The following NRXN1 variants were observed in gnomAD, a reference collection of about 807,000 sequenced individuals.
NRXN1 encodes the protein neurexin-1.
In NRXN1, 39 loss-of-function variants were observed where a neutral mutation model predicts 150.9. The observed-to-expected ratio is 0.26, with a 90% confidence interval of 0.20 to 0.34. The LOEUF (loss-of-function observed/expected upper bound fraction) is 0.34. Among genes scored for constraint, NRXN1 ranks in the 10% least tolerant of loss-of-function variants. NRXN1 has a pLI of 1.00. For synonymous variants in NRXN1, 924 were observed against 757.0 expected, an observed-to-expected ratio of 1.22 and a Z score of -3.62; for missense variants, 1,815 against 1,949.9, an observed-to-expected ratio of 0.93 and a Z score of 1.30.
chr2:50,462,813 T>C (rs1251781284), intron 17 of NRXN1, among the ~76,000 whole-genome samples: 1 of 151,846 alleles, frequency 6.6e-6, no homozygotes, highest in South Asian at 2.1e-4. Flanking sequence ...CATCTTCCCA[T>C]TGTTAATTAT....
intron 19 of NRXN1, among the ~76,000 whole-genome samples, chr2:50,086,383 A>C (rs1698775214): frequency 6.6e-6 from 1 of 152,162 alleles, no homozygotes; most frequent in South Asian, 2.1e-4. Flanking sequence ...GGATGAAAAC[A>C]GAGTTAAGGT....
intron 17 of NRXN1, among the ~76,000 whole-genome samples, chr2:50,420,316 C>A (rs2083878852): frequency 6.6e-6 from 1 of 151,948 alleles, no homozygotes; most frequent in African/African-American, 2.4e-5. Flanking sequence ...TTGATATCTA[C>A]ACCAGCAGTC....
In NRXN1 at chr2:50,234,362, T is replaced by C. The variant is rs536430505; in HGVS notation, c.3546+2427A>G. Among the ~76,000 whole-genome samples the C allele has an allele frequency of 6.6e-5, 10 of 151,972 alleles. No homozygotes were observed. The East Asian group carries it at 1.8e-3, about 27-fold the overall frequency. ...TACAAAAATTAGCTGGGCGTGGTGG[T>C]GGGCACCTGTAATCCTAGATATTTG... On this transcript the variant is annotated intron_variant, in intron 18 of 22. Coordinates refer to ENST00000401669, the MANE Select transcript of NRXN1 (RefSeq NM_001330078.2).
intron 5 of NRXN1, among the ~76,000 whole-genome samples, chr2:50,666,045 T>A (rs1318847806): frequency 6.6e-6 from 1 of 151,952 alleles, no homozygotes. Flanking sequence ...CTTTGTAACC[T>A]CTTGTTCCCT....
intron 17 of NRXN1, among the ~76,000 whole-genome samples, chr2:50,294,370 A>G (rs188640301): frequency 1.1e-4 from 17 of 152,350 alleles, no homozygotes; most frequent in East Asian, 1.9e-4. Context: ...ATCTGAAAAC[A>G]GTAACAACAG....
rs572378439 is a variant in NRXN1, at chr2:50,107,154, G to A, written c.3547-15660C>T. Among the ~76,000 whole-genome samples the A allele has an allele frequency of 4.0e-5, 6 of 151,742 alleles. No homozygotes were observed. The South Asian group carries it at 6.2e-4, about 16-fold the overall frequency. On this transcript the variant is annotated intron_variant, in intron 18 of 22. Coordinates refer to ENST00000401669, the MANE Select transcript of NRXN1 (RefSeq NM_001330078.2). ...CTTGCGGCATTCCACATACAGATTA[G>A]CTGAGCCTTTCAAAGGTATTGTTGA...
At chr2:50,854,539 A>C (rs1443221869) in intron 5 of NRXN1, among the ~76,000 whole-genome samples, 1 of 152,080 alleles carries the variant, frequency 6.6e-6, no homozygotes, top group African/African-American at 2.4e-5. Context: ...TTCAAATCAC[A>C]CTTTGTTTGA....
At chr2:50,850,488 T>A (rs1674362293) in intron 5 of NRXN1, among the ~76,000 whole-genome samples, 1 of 152,280 alleles carries the variant, frequency 6.6e-6, no homozygotes, top group African/African-American at 2.4e-5. Flanking sequence ...TCTTTCTTGC[T>A]TCAGTCACAG....
At chr2:50,158,518 T>C (rs1279959750) in intron 18 of NRXN1, among the ~76,000 whole-genome samples, 2 of 152,112 alleles carry the variant, frequency 1.3e-5, no homozygotes, top group South Asian at 2.1e-4. Flanking sequence ...CCAATGTTAA[T>C]GTCCTAATCT....
chr2:50,015,636 A>T (rs1476679683), intron 21 of NRXN1, among the ~76,000 whole-genome samples: 1 of 151,776 alleles, frequency 6.6e-6, no homozygotes, highest in South Asian at 2.1e-4. Flanking sequence ...TTTCAATGAT[A>T]ATGTTCCATG....
At chr2:50,348,788 C>T (rs2078219324) in intron 17 of NRXN1, among the ~76,000 whole-genome samples, 1 of 151,880 alleles carries the variant, frequency 6.6e-6, no homozygotes, top group African/African-American at 2.4e-5. Flanking sequence ...TAAACATTTC[C>T]CTGATTTCCA....
At chr2:49,948,919 C>T (rs183626004) in intron 21 of NRXN1, among the ~76,000 whole-genome samples, 11 of 151,976 alleles carry the variant, frequency 7.2e-5, no homozygotes, top group East Asian at 3.9e-4. Context: ...ATTTAACCAC[C>T]CACAGGTGAA....
Position 50,580,803 on chromosome 2 carries a change from T to C in NRXN1, c.1321-27778A>G, listed in dbSNP as rs114985216. Reference sequence around the variant, plus strand: ...AAATCATCTGAGCAGAAGGGCTTATTTCCATGCTATGTTCACAGCTACTAT... The same window carrying C: ...AAATCATCTGAGCAGAAGGGCTTATCTCCATGCTATGTTCACAGCTACTAT... On this transcript the variant is annotated intron_variant, in intron 8 of 22. Transcript: ENST00000401669. Among the ~76,000 whole-genome samples, 343 of 152,246 alleles carry C rather than the reference T, an allele frequency of 2.3e-3. 2 individuals carry two copies. The highest frequency in any genetic ancestry group is 3.0e-3 in the Non-Finnish European group (206 of 68,016).
At position 50,371,280 on chromosome 2, in the gene NRXN1, G is replaced by A. The variant is rs76195894; in HGVS notation, c.3364+94162C>T. 8.6e-3 allele frequency among the ~76,000 whole-genome samples: 1,314 copies of A among 152,040 alleles called. 7 individuals are homozygous for A. The highest frequency in any genetic ancestry group is 0.015 in the Non-Finnish European group (1,012 of 67,922). ...GCCAAAAGTCAAAGGTGGAAATTGA[G>A]ACTTAAGAACATGTTGCTTACACCC... is the stretch of plus-strand genomic sequence containing the variant. On this transcript the variant is annotated intron_variant, in intron 17 of 22. Coordinates refer to ENST00000401669, the MANE Select transcript of NRXN1 (RefSeq NM_001330078.2).
chr2:50,888,188 T>TA (rs1475878317), intron 5 of NRXN1, among the ~76,000 whole-genome samples: 1 of 151,448 alleles, frequency 6.6e-6, no homozygotes, highest in African/African-American at 2.4e-5. Context: ...ATATCAATAC[T>TA]AACCCCAAAC....
intron 1 of NRXN1, among the ~76,000 whole-genome samples, chr2:51,029,889 G>A (rs1671203873): frequency 1.3e-5 from 2 of 151,996 alleles, no homozygotes; most frequent in African/African-American, 4.8e-5. Context: ...GCCTAAAAGT[G>A]TAGATCTAAC....
chr2:50,685,551 T>A (rs1220303275), intron 5 of NRXN1, among the ~76,000 whole-genome samples: 1 of 152,158 alleles, frequency 6.6e-6, no homozygotes, highest in Non-Finnish European at 1.5e-5. Flanking sequence ...ATTCATCACT[T>A]TTTTCTTTGG....
At chr2:50,245,153 T>C (rs1218317623) in intron 17 of NRXN1, among the ~76,000 whole-genome samples, 1 of 151,928 alleles carries the variant, frequency 6.6e-6, no homozygotes, top group African/African-American at 2.4e-5. Context: ...CCAGGAACAG[T>C]TGAGTTCAAT....
chr2:50,288,627 T>G (rs2072503206), intron 17 of NRXN1, among the ~76,000 whole-genome samples: 1 of 152,150 alleles, frequency 6.6e-6, no homozygotes, highest in Non-Finnish European at 1.5e-5. Context: ...AATCACATCT[T>G]ACATGGTAGC....
Sources: allele counts gnomAD v4.1 joint callset (sites outside exome capture counted in the v4.1 genomes callset), GRCh38; gene constraint gnomAD v4.1.1; transcripts MANE v1.5; gene names NCBI Gene and HGNC (gene_info 2026-07-23, HGNC 2026-07-21).